The following NFRKB variants were observed in gnomAD, a reference collection of about 807,000 sequenced individuals.
The protein encoded by NFRKB is nuclear factor related to kappaB binding protein, also known as nuclear factor related to kappa-B-binding protein.
NFRKB carries 62 observed loss-of-function variants against 135.7 expected under a neutral mutation model. That is an observed-to-expected ratio of 0.46 (90% CI 0.37 to 0.56). NFRKB has a LOEUF of 0.56. Among genes scored for constraint, NFRKB ranks in the 20% least tolerant of loss-of-function variants. The pLI is 0.00. For missense variants in NFRKB, 1,545 were observed against 1,662.0 expected (o/e 0.93, Z 1.22); for synonymous variants, 678 against 635.6 (o/e 1.07, Z -1.00).
intron 24 of NFRKB, 116 bp downstream of exon 24, chr11:129,869,378 T>G: frequency 8.1e-7 from 1 of 1,234,100 alleles, no homozygotes; most frequent in East Asian, 2.4e-5. Context: ...GGCCTCTAAT[T>G]TCCACTCCTA....
intron 23 of NFRKB, 143 bp downstream of exon 23, chr11:129,872,741 C>T (rs1039002189): frequency 7.5e-6 from 6 of 797,258 alleles, no homozygotes; most frequent in Non-Finnish European, 9.8e-6. Flanking sequence ...GGTGGGAACT[C>T]ACACCTAAGT....
intron 15 of NFRKB, 126 bp downstream of exon 15, chr11:129,878,183 A>C (rs971975245): frequency 2.0e-5 from 19 of 953,322 alleles, no homozygotes; most frequent in Middle Eastern, 4.4e-4. Flanking sequence ...AGGAAGAACC[A>C]GGGGACTCCT....
intron 13 of NFRKB, among the ~76,000 whole-genome samples, chr11:129,879,097 C>T (rs1272434130): frequency 1.3e-5 from 2 of 152,158 alleles, no homozygotes; most frequent in Non-Finnish European, 2.9e-5. Flanking sequence ...TCTCAGGTCA[C>T]TCTGTTCAGG....
rs1303365423 is a variant in NFRKB at position 129,882,563 on chromosome 11, T to G, written c.970A>C (p.Lys324Gln). Residue 324 changes from lysine (K) to glutamine (Q), a missense_variant, in exon 10 of 27, where the codon AAA becomes CAA. Around this residue, in one of 3 missense-constraint regions of NFRKB, gnomAD observed 678 missense variants for 646.7 expected, o/e 1.05. Coordinates refer to ENST00000682444, the MANE Select transcript of NFRKB (RefSeq NM_001143835.2). Reference protein sequence around the residue: ...EKEEKKKKKIKTIKSEAEDLA... With the variant: ...EKEEKKKKKIQTIKSEAEDLA... ...TCCTCTGCCTCTGATTTGATCGTTT[T>G]TATTTTCTTCTTCTTCTTTTCCTCT... is the stretch of plus-strand genomic sequence containing the variant. The G allele has an allele frequency of 6.2e-7, 1 of 1,614,068 alleles. No individual in the cohort carries two copies. Among genetic ancestry groups the G allele is most frequent in the African/African-American group, 1.3e-5 (1 of 74,920 alleles).
At chr11:129,879,864 C>T (rs571653078) in intron 13 of NFRKB, among the ~76,000 whole-genome samples, 10 of 152,340 alleles carry the variant, frequency 6.6e-5, no homozygotes, top group Non-Finnish European at 1.3e-4. Context: ...TATTCAACAA[C>T]TCCACTGAAA....
At chr11:129,889,172 G>T (rs375296514) in intron 3 of NFRKB, among the ~76,000 whole-genome samples, 3 of 152,036 alleles carry the variant, frequency 2.0e-5, no homozygotes, top group East Asian at 1.9e-4. Context: ...ATGTTGACCA[G>T]GCTGGTCTCA....
chr11:129,872,831 G>A, intron 23 of NFRKB, 53 bp downstream of exon 23: 2 of 1,522,662 alleles, frequency 1.3e-6, no homozygotes, highest in South Asian at 1.3e-5. Flanking sequence ...AGCTCCAGTG[G>A]TCCCTGCTCC....
rs1217725565 is a variant in NFRKB, at chr11:129,869,504, G to A, written c.3521C>T (p.Thr1174Met). The A allele has an allele frequency of 1.6e-5, 26 of 1,609,186 alleles. No individual in the cohort carries two copies. The highest frequency in any genetic ancestry group is 2.2e-5 in the East Asian group (1 of 44,872). The change falls in exon 24 of 27, where the codon ACG (threonine) becomes ATG (methionine). Residue 1174 changes from threonine (T) to methionine (M), a missense_variant. Physicochemically the swap from Thr to Met is moderately conservative, Grantham distance 81. Coordinates refer to ENST00000682444, the MANE Select transcript of NFRKB (RefSeq NM_001143835.2). ...QVPVSTTVVSTSQAGKLPTRI... is the reference protein window; with the variant it reads ...QVPVSTTVVSMSQAGKLPTRI... Reference sequence around the variant, plus strand: ...CCACTAGTTACTCACAGCCTGGGACGTGGACACAACCGTGGTGCTGACAGG... The same window carrying A: ...CCACTAGTTACTCACAGCCTGGGACATGGACACAACCGTGGTGCTGACAGG...
intron 17 of NFRKB, among the ~76,000 whole-genome samples, chr11:129,876,086 C>A (rs1948753244): frequency 6.6e-6 from 1 of 152,144 alleles, no homozygotes; most frequent in African/African-American, 2.4e-5. Flanking sequence ...ACAAAGGGAA[C>A]AAACCATATA....
In NFRKB at chr11:129,877,149, C is replaced by T. The variant is rs910673173; in HGVS notation, c.1572+176G>A. 3.9e-5 allele frequency among the ~76,000 whole-genome samples: 6 copies of T among 152,224 alleles called. No homozygotes were observed. In the Middle Eastern group the frequency reaches 0.01, roughly 259 times the overall value. ...GGAAGACAAGATCATCCAAGTATTT[C>T]TTACTCCCCTTCCCCACACCGTTTC... On this transcript the variant is annotated intron_variant, in intron 16 of 26. Coordinates refer to ENST00000682444, the MANE Select transcript of NFRKB (RefSeq NM_001143835.2).
intron 13 of NFRKB, 90 bp from the exon 14 acceptor site, chr11:129,878,633 CAG>C: frequency 3.8e-6 from 4 of 1,043,702 alleles, no homozygotes; most frequent in Non-Finnish European, 5.8e-6. Flanking sequence ...AACTACAACA[CAG>C]AGAGATTCTA....
At chr11:129,886,178 A>AT (rs1949267813) in intron 5 of NFRKB, 139 bp downstream of exon 5, 3 of 897,198 alleles carry the variant, frequency 3.3e-6, no homozygotes, top group Non-Finnish European at 5.2e-6. Flanking sequence ...AAAGGATGGC[A>AT]TAGCTTAACT....
At chr11:129,881,421 G>A (rs1379483187) in intron 13 of NFRKB, 22 bp downstream of exon 13, 7 of 1,611,494 alleles carry the variant, frequency 4.3e-6, no homozygotes, top group Non-Finnish European at 5.1e-6. Context: ...ACCTGTTGGG[G>A]TAGGTAATAC....
chr11:129,890,029 G>T (rs200218247), intron 3 of NFRKB, among the ~76,000 whole-genome samples: 59 of 134,234 alleles, frequency 4.4e-4, no homozygotes, highest in South Asian at 1.2e-3. Context: ...GGGTTTTTTT[G>T]TTTTTTTTTT....
intron 3 of NFRKB, among the ~76,000 whole-genome samples, chr11:129,890,888 T>C (rs1028189037): frequency 2.0e-5 from 3 of 152,366 alleles, no homozygotes; most frequent in African/African-American, 7.2e-5. Context: ...TGGTAACCAT[T>C]TTAAACACAT....
At chr11:129,866,524 C>T (rs571731359) in intron 24 of NFRKB, among the ~76,000 whole-genome samples, 37 of 151,670 alleles carry the variant, frequency 2.4e-4, no homozygotes, top group African/African-American at 8.5e-4. Flanking sequence ...CCATGCTCTC[C>T]GGTGCTTTCC....
At position 129,875,450 on chromosome 11, in the gene NFRKB, C is replaced by T. The variant is rs200744053; in HGVS notation, c.1761G>A (p.Ala587=). 41 of 1,604,194 alleles carry T rather than the reference C, an allele frequency of 2.6e-5. No individual in the cohort carries two copies. Among genetic ancestry groups the T allele is most frequent in the South Asian group, 7.9e-5 (7 of 88,588 alleles). The change falls in exon 18 of 27, where the codon GCG becomes GCA. Residue 587 remains alanine, a synonymous_variant. Coordinates refer to ENST00000682444, the MANE Select transcript of NFRKB (RefSeq NM_001143835.2). ...VTILSLVRDA[A]ARLPNGEGTR... is the part of the protein sequence containing the mutation. ...TGCCTTCTCCATTAGGCAGTCGAGC[C>T]GCAGCGTCCCGAACTGATGACATGA... is the stretch of plus-strand genomic sequence containing the variant.
intron 12 of NFRKB, 37 bp downstream of exon 12, chr11:129,881,690 G>GTT: frequency 6.2e-7 from 1 of 1,609,192 alleles, no homozygotes; most frequent in East Asian, 2.2e-5. Context: ...AGACAAAAGG[G>GTT]GGAAAAATAC....
Position 129,882,599 on chromosome 11 carries a change from C to T in NFRKB, c.934G>A (p.Val312Ile). The change falls in exon 10 of 27, where the codon GTT becomes ATT. Residue 312 changes from valine (V) to isoleucine (I), a missense_variant. Physicochemically the swap from Val to Ile is conservative, Grantham distance 29. Around this residue, in one of 3 missense-constraint regions of NFRKB, gnomAD observed 678 missense variants for 646.7 expected, o/e 1.05. Coordinates refer to ENST00000682444, the MANE Select transcript of NFRKB (RefSeq NM_001143835.2). ...TTCTTCTTTTCCTCTTTTTCCTTAA[C>T]CTTTTTTTTAAGGACAGCCAAGTCA... ...LYDLAVLKKK[V>I]KEKEEKKKKK... 6.2e-7 allele frequency: 1 copy of T among 1,613,812 alleles called. No individual in the cohort carries two copies. Among genetic ancestry groups the T allele is most frequent in the Non-Finnish European group, 8.5e-7 (1 of 1,179,992 alleles).
Sources: allele counts gnomAD v4.1 joint callset (sites outside exome capture counted in the v4.1 genomes callset), GRCh38; gene constraint gnomAD v4.1.1; regional missense constraint gnomAD v4.1.1; transcripts MANE v1.5; gene names NCBI Gene and HGNC (gene_info 2026-07-23, HGNC 2026-07-21).